The following XYLT1 variants were observed in gnomAD, a reference collection of about 807,000 sequenced individuals.
XYLT1 encodes the protein beta-D-xylosyltransferase 1.
Under a neutral mutation model 91.3 loss-of-function variants are expected in XYLT1, and 36 were observed. That is an observed-to-expected ratio of 0.39 (90% confidence interval 0.30 to 0.52). The LOEUF (loss-of-function observed/expected upper bound fraction) is 0.52. Ranked by LOEUF, XYLT1 falls within the 20% of genes least tolerant of loss-of-function variation. XYLT1 has a pLI of 0.68. For synonymous variants in XYLT1, 588 were observed against 532.0 expected (o/e 1.11, Z -1.45); for missense variants, 1,242 against 1,284.5 (o/e 0.97, Z 0.51).
intron 5 of XYLT1, among the ~76,000 whole-genome samples, chr16:17,190,994 G>T (rs1438500759): frequency 6.6e-6 from 1 of 152,186 alleles, no homozygotes; most frequent in African/African-American, 2.4e-5. Context: ...TTGTCAAAAC[G>T]ATGTAAACAA....
At chr16:17,420,997 C>G (rs781709780) in intron 1 of XYLT1, among the ~76,000 whole-genome samples, 56 of 152,180 alleles carry the variant, frequency 3.7e-4, no homozygotes, top group Non-Finnish European at 7.2e-4. Context: ...ACCACTCTTG[C>G]ACCACCACAG....
At chr16:17,202,790 A>C (rs191010872) in intron 3 of XYLT1, among the ~76,000 whole-genome samples, 2 of 152,016 alleles carry the variant, frequency 1.3e-5, no homozygotes, top group Admixed American at 1.3e-4. Context: ...ATTAGCTCCA[A>C]GAGATGAGGG....
chr16:17,367,247 A>T (rs2035467038), intron 1 of XYLT1, among the ~76,000 whole-genome samples: 1 of 152,154 alleles, frequency 6.6e-6, no homozygotes, highest in Non-Finnish European at 1.5e-5. Context: ...CTCAGACCAT[A>T]AACAAGACCT....
chr16:17,439,343 C>T (rs1047055414), intron 1 of XYLT1, among the ~76,000 whole-genome samples: 24 of 152,130 alleles, frequency 1.6e-4, no homozygotes, highest in African/African-American at 5.6e-4. Flanking sequence ...TTTTTTGCTA[C>T]CCTCTAGAAC....
intron 2 of XYLT1, among the ~76,000 whole-genome samples, chr16:17,333,645 T>C (rs1371151853): frequency 6.6e-6 from 1 of 150,384 alleles, no homozygotes; most frequent in African/African-American, 2.5e-5. Context: ...TGGAGTGCAG[T>C]GGAGCCATCT....
intron 1 of XYLT1, among the ~76,000 whole-genome samples, chr16:17,363,593 G>A (rs1052243035): frequency 1.1e-4 from 17 of 152,182 alleles, no homozygotes; most frequent in African/African-American, 3.6e-4. Flanking sequence ...AGACTGCAGT[G>A]CAGTGGCACA....
chr16:17,368,517 T>C (rs1718656361), intron 1 of XYLT1, among the ~76,000 whole-genome samples: 1 of 148,018 alleles, frequency 6.8e-6, no homozygotes, highest in Non-Finnish European at 1.5e-5. Context: ...CATTCTATCC[T>C]CATGAAGTGG....
intron 5 of XYLT1, among the ~76,000 whole-genome samples, chr16:17,195,113 C>T (rs1182879135): frequency 6.6e-6 from 1 of 152,186 alleles, no homozygotes; most frequent in East Asian, 1.9e-4. Context: ...CCAGAGGTCA[C>T]GAGTCAATGT....
chr16:17,252,852 T>C (rs2033563092), intron 3 of XYLT1, among the ~76,000 whole-genome samples: 1 of 152,192 alleles, frequency 6.6e-6, no homozygotes, highest in Non-Finnish European at 1.5e-5. Flanking sequence ...TTAATTATAT[T>C]CAACTTCCAG....
At chr16:17,310,058 T>C (rs775413467) in intron 2 of XYLT1, among the ~76,000 whole-genome samples, 4 of 152,204 alleles carry the variant, frequency 2.6e-5, no homozygotes, top group Non-Finnish European at 4.4e-5. Flanking sequence ...TTCTGGGACC[T>C]GATTTCAGGA....
chr16:17,298,868 C>T (rs61486821), intron 2 of XYLT1, among the ~76,000 whole-genome samples: 6,615 of 152,214 alleles, frequency 0.043, 455 homozygotes, highest in African/African-American at 0.15. Context: ...ATGAGAGCCA[C>T]CACCCCCTGC....
chr16:17,369,950 G>A (rs965138666), intron 1 of XYLT1, among the ~76,000 whole-genome samples: 6 of 152,194 alleles, frequency 3.9e-5, no homozygotes, highest in African/African-American at 1.4e-4. Flanking sequence ...GGGGCTCCAA[G>A]CCCAGCTCTC....
At chr16:17,138,325 G>A (rs2030836400) in intron 8 of XYLT1, 30 bp downstream of exon 8, 2 of 1,602,616 alleles carry the variant, frequency 1.2e-6, no homozygotes, top group Admixed American at 1.7e-5. Flanking sequence ...GCATCACTTA[G>A]GAGGCTGGCA....
intron 2 of XYLT1, among the ~76,000 whole-genome samples, chr16:17,286,813 C>T (rs763717268): frequency 6.6e-6 from 1 of 152,202 alleles, no homozygotes; most frequent in Non-Finnish European, 1.5e-5. Flanking sequence ...CTCTAAGCAT[C>T]TCCCCATGTC....
chr16:17,373,288 A>G lies in XYLT1; in HGVS notation c.364-15238T>C, dbSNP rs570361871. On this transcript the variant is annotated intron_variant, in intron 1 of 11. Coordinates refer to ENST00000261381, the MANE Select transcript of XYLT1 (RefSeq NM_022166.4). ...TGTGGCGTCTGAGAAACCAGTAATC[A>G]GCGTCTACAGTGCTCGGGCCACTGA... is the stretch of plus-strand genomic sequence containing the variant. Among the ~76,000 whole-genome samples, 51 of 152,282 alleles carry G rather than the reference A, an allele frequency of 3.3e-4. No individual in the cohort carries two copies. The South Asian group carries it at 0.01, about 31-fold the overall frequency.
At chr16:17,173,378 G>C (rs753378986) in intron 5 of XYLT1, among the ~76,000 whole-genome samples, 7 of 152,230 alleles carry the variant, frequency 4.6e-5, no homozygotes, top group Non-Finnish European at 1.0e-4. Flanking sequence ...TCTGAGAATG[G>C]AGCTTTGGTG....
chr16:17,250,395 A>C (rs2141747336), intron 3 of XYLT1: 1 of 152,370 alleles, frequency 6.6e-6, no homozygotes, highest in South Asian at 2.1e-4. Context: ...CATTTCGGTG[A>C]CCATAAATGA....
intron 1 of XYLT1, among the ~76,000 whole-genome samples, chr16:17,422,865 T>C (rs1360523628): frequency 1.3e-5 from 2 of 152,148 alleles, no homozygotes; most frequent in East Asian, 1.9e-4. Flanking sequence ...TTGGGGTCAC[T>C]GCAAATAGTT....
intron 11 of XYLT1, among the ~76,000 whole-genome samples, chr16:17,113,198 G>A (rs929653997): frequency 6.8e-6 from 1 of 147,746 alleles, no homozygotes; most frequent in Admixed American, 6.7e-5. Flanking sequence ...CTGGAGTGCA[G>A]TGGTGTGATC....
Sources: gnomAD v4.1 joint callset for allele counts (sites outside exome capture counted in the v4.1 genomes callset) on GRCh38, gnomAD v4.1.1 for gene constraint, MANE v1.5 for transcripts, NCBI Gene and HGNC (gene_info 2026-07-23, HGNC 2026-07-21) for gene names.